The following PHF11 variants were observed in gnomAD, a reference collection of about 807,000 sequenced individuals.
PHF11 encodes PHD finger protein 11.
In PHF11, 38 loss-of-function variants were observed where a neutral mutation model predicts 40.5. The ratio of observed to expected loss-of-function variants is 0.94; its 90% CI spans 0.72 to 1.23. The LOEUF (loss-of-function observed/expected upper bound fraction) is 1.23, where lower values mean the gene tolerates loss of function less well. PHF11 is among the 50% of genes most tolerant of loss of function. PHF11 has a pLI of 0.00. For missense variants in PHF11, 369 were observed against 392.4 expected (o/e 0.94, Z 0.50); for synonymous variants, 127 against 138.2 (o/e 0.92, Z 0.57).
intron 2 of PHF11, among the ~76,000 whole-genome samples, chr13:49,512,049 T>C (rs1230108270): frequency 6.6e-6 from 1 of 152,226 alleles, no homozygotes; most frequent in Admixed American, 6.5e-5. Flanking sequence ...TTGCTCCACA[T>C]CCTCATCAAC....
intron 9 of PHF11, 125 bp downstream of exon 9, chr13:49,526,583 A>G (rs765556956): frequency 8.1e-4 from 551 of 682,850 alleles, no homozygotes; most frequent in Non-Finnish European, 1.2e-3. Context: ...CTTAAATGAG[A>G]AAAGCCAATT....
At chr13:49,518,314 A>G (rs1166276526) in intron 4 of PHF11, 163 bp downstream of exon 4, 3 of 335,754 alleles carry the variant, frequency 8.9e-6, no homozygotes, top group African/African-American at 3.0e-5. Flanking sequence ...TTTGAATTTC[A>G]GTGAAAAATC....
chr13:49,513,117 G>A lies in PHF11; in HGVS notation c.275G>A (p.Ser92Asn). 1.2e-6 allele frequency: 2 copies of A among 1,600,826 alleles called. No homozygotes were observed. The highest frequency in any genetic ancestry group is 3.3e-5 in the Admixed American group (2 of 59,978). Reference protein sequence around the residue: ...EDQDPLNPDRSFDVESVKKEI... With the variant: ...EDQDPLNPDRNFDVESVKKEI... ...CAGGATCCACTTAATCCTGATAGAAGTTTTGATGTGGAATCAGTAAAGAAA... is the reference window on the plus strand; with the variant it reads ...CAGGATCCACTTAATCCTGATAGAAATTTTGATGTGGAATCAGTAAAGAAA... The change falls in exon 3 of 10, where the codon AGT becomes AAT. Residue 92 changes from serine to asparagine, a missense_variant. Coordinates refer to ENST00000378319, the MANE Select transcript of PHF11 (RefSeq NM_001040443.3).
intron 1 of PHF11, chr13:49,496,349 G>T: frequency 9.0e-7 from 1 of 1,109,298 alleles, no homozygotes; most frequent in African/African-American, 1.6e-5. Flanking sequence ...ATGGTTTCGC[G>T]CGAGTGGTGG....
At chr13:49,510,741 G>A (rs1959071699) in intron 2 of PHF11, among the ~76,000 whole-genome samples, 1 of 152,216 alleles carries the variant, frequency 6.6e-6, no homozygotes, top group Admixed American at 6.5e-5. Context: ...AAAGTGTTGG[G>A]ATTAGAGGCG....
At position 49,524,622 on chromosome 13, in the gene PHF11, A is replaced by G. The variant is rs185780282; in HGVS notation, c.769+406A>G. Among the ~76,000 whole-genome samples, 288 of 152,066 alleles carry G rather than the reference A, an allele frequency of 1.9e-3. 2 individuals are homozygous for G. The highest frequency in any genetic ancestry group is 9.3e-4 in the Non-Finnish European group (63 of 67,976). ...CCTGAGTAGCTGGGATTTCAGGCAC[A>G]CGCCACTACGCCTGGCTAATTTTCT... On this transcript the variant is annotated intron_variant, in intron 8 of 9. Coordinates refer to ENST00000378319, the MANE Select transcript of PHF11 (RefSeq NM_001040443.3).
intron 9 of PHF11, 133 bp downstream of exon 9, chr13:49,526,591 A>C: frequency 1.5e-6 from 1 of 666,546 alleles, no homozygotes; most frequent in South Asian, 1.8e-5. Flanking sequence ...AGAAAAGCCA[A>C]TTACAAAAAC....
chr13:49,512,801 T>G (rs1012341734), intron 2 of PHF11, among the ~76,000 whole-genome samples: 2 of 152,196 alleles, frequency 1.3e-5, no homozygotes, highest in African/African-American at 4.8e-5. Flanking sequence ...TGACCCAGCT[T>G]GGCATCAGGG....
In PHF11 at chr13:49,504,461, A is replaced by G. The variant is rs796961428; in HGVS notation, c.95-2174A>G. On this transcript the variant is annotated intron_variant, in intron 1 of 9. Transcript: ENST00000378319. ...ACAGAGCGAGACTCTGTCTAAAAAA[A>G]AAGATACTCCCCAGCCCCCCGCCCG... 2.7e-5 allele frequency among the ~76,000 whole-genome samples: 4 copies of G among 150,940 alleles called. No individual in the cohort carries two copies. The South Asian group carries it at 8.4e-4, about 32-fold the overall frequency.
Position 49,528,792 on chromosome 13 carries a change from G to GTT in PHF11, c.*128_*129dup. On this transcript the variant is annotated 3_prime_UTR_variant, in exon 10 of 10. Coordinates refer to ENST00000378319, the MANE Select transcript of PHF11 (RefSeq NM_001040443.3). Reference sequence around the variant, plus strand: ...CTCTTGGCCTCAGCAGCTCTTCCCTGTTCTTACTGGTTGACATTTTGATCA... The same window carrying GTT: ...CTCTTGGCCTCAGCAGCTCTTCCCTGTTTTCTTACTGGTTGACATTTTGATCA... 1 of 631,270 alleles carries GTT rather than the reference G, an allele frequency of 1.6e-6. No individual in the cohort carries two copies. Among genetic ancestry groups the GTT allele is most frequent in the East Asian group, 2.7e-5 (1 of 36,608 alleles). The allele number at this position is 631,270 out of a possible 1,614,324, so 39.1% of individuals were successfully genotyped here.
chr13:49,526,173 AAAAAAAAAAAAAAAAAAG>A, intron 8 of PHF11, 196 bp from the exon 9 acceptor site: 1 of 179,054 alleles, frequency 5.6e-6, no homozygotes, highest in Non-Finnish European at 1.0e-5. Flanking sequence ...TGTCTCAAAA[AAAAAAAAAAAAAAAAAAG>A]AAAAAAGAGA....
intron 2 of PHF11, among the ~76,000 whole-genome samples, chr13:49,507,672 T>G (rs1959022001): frequency 6.6e-6 from 1 of 152,254 alleles, no homozygotes; most frequent in South Asian, 2.1e-4. Context: ...GACACTTACG[T>G]TAGCCCACAG....
At chr13:49,526,508 T>C in intron 9 of PHF11, 50 bp downstream of exon 9, 4 of 944,824 alleles carry the variant, frequency 4.2e-6, no homozygotes, top group Non-Finnish European at 6.9e-6. Context: ...GAAATATTTA[T>C]CACGATATTG....
intron 1 of PHF11, among the ~76,000 whole-genome samples, chr13:49,502,072 G>A (rs942176854): frequency 3.3e-5 from 5 of 152,194 alleles, no homozygotes; most frequent in African/African-American, 9.6e-5. Context: ...GGCTCAGGAG[G>A]GAGGATCACT....
At chr13:49,515,457 C>T (rs948390921) in intron 3 of PHF11, among the ~76,000 whole-genome samples, 26 of 13,842 alleles carry the variant, frequency 1.9e-3, no homozygotes, top group East Asian at 0.01. Flanking sequence ...ATCTCCTATA[C>T]ACACACACAC....
intron 1 of PHF11, among the ~76,000 whole-genome samples, chr13:49,506,167 G>A (rs1318969115): frequency 6.6e-6 from 1 of 151,754 alleles, no homozygotes; most frequent in Non-Finnish European, 1.5e-5. Context: ...AAATGCCAAG[G>A]CAGAAGGATC....
chr13:49,505,146 GA>G (rs59506067), intron 1 of PHF11, among the ~76,000 whole-genome samples: 8,862 of 120,752 alleles, frequency 0.073, 586 homozygotes, highest in African/African-American at 0.19. Flanking sequence ...AAATAAAAAT[GA>G]AAAAAAAAAA....
intron 1 of PHF11, among the ~76,000 whole-genome samples, chr13:49,499,061 A>C (rs146919243): frequency 1.3e-5 from 2 of 152,250 alleles, no homozygotes; most frequent in Admixed American, 6.5e-5. Flanking sequence ...AGAAGCCATT[A>C]TAAACTTTGA....
chr13:49,512,049 T>A (rs1230108270), intron 2 of PHF11, among the ~76,000 whole-genome samples: 1 of 152,226 alleles, frequency 6.6e-6, no homozygotes, highest in Non-Finnish European at 1.5e-5. Flanking sequence ...TTGCTCCACA[T>A]CCTCATCAAC....
Sources: allele counts gnomAD v4.1 joint callset (sites outside exome capture counted in the v4.1 genomes callset), GRCh38; gene constraint gnomAD v4.1.1; transcripts MANE v1.5; gene names NCBI Gene and HGNC (gene_info 2026-07-23, HGNC 2026-07-21).